PFKP: variants seen among roughly 807,000 people sequenced by gnomAD.
The protein encoded by PFKP is phosphofructokinase, platelet.
Under a neutral mutation model 94.3 loss-of-function variants are expected in PFKP, and 101 were observed. The observed-to-expected ratio is 1.07, with a 90% confidence interval of 0.91 to 1.26. The LOEUF (loss-of-function observed/expected upper bound fraction) is 1.26. Among genes scored for constraint, PFKP ranks in the 50% most tolerant of loss-of-function variants. PFKP has a pLI of 0.00. For missense variants in PFKP, 1,145 were observed against 1,103.3 expected, an observed-to-expected ratio of 1.04 and a Z score of -0.53; for synonymous variants, 573 against 432.6, an observed-to-expected ratio of 1.32 and a Z score of -4.03.
chr10:3,105,227 GCTGCACCCCACATC>G, intron 6 of PFKP, 68 bp downstream of exon 6: 1 of 1,466,534 alleles, frequency 6.8e-7, no homozygotes, highest in Non-Finnish European at 9.6e-7. Flanking sequence ...TCTCCCTGAG[GCTGCACCCCACATC>G]CTGAATGCTC....
intron 1 of PFKP, among the ~76,000 whole-genome samples, chr10:3,077,575 C>CTT (rs144293480): frequency 2.7e-5 from 4 of 148,606 alleles, no homozygotes; most frequent in African/African-American, 9.8e-5. Flanking sequence ...CTATTCCTTA[C>CTT]TTTTTAAAAA....
At chr10:3,091,514 A>G (rs1284794354) in intron 2 of PFKP, among the ~76,000 whole-genome samples, 3 of 152,158 alleles carry the variant, frequency 2.0e-5, no homozygotes, top group Non-Finnish European at 2.9e-5. Flanking sequence ...CTCTTCAAAT[A>G]TGACTCACTT....
chr10:3,086,952 A>G (rs899911125), intron 2 of PFKP, among the ~76,000 whole-genome samples: 1 of 152,134 alleles, frequency 6.6e-6, no homozygotes, highest in African/African-American at 2.4e-5. Flanking sequence ...GGCCTACCCC[A>G]GAGGCCCTGG....
chr10:3,120,692 C>A (rs1376444426), intron 16 of PFKP, among the ~76,000 whole-genome samples: 5 of 152,102 alleles, frequency 3.3e-5, no homozygotes, highest in Admixed American at 6.5e-5. Context: ...CGGGGTCTTA[C>A]TCTGTCACCC....
At chr10:3,108,625 C>A in intron 8 of PFKP, 76 bp from the exon 9 acceptor site, 1 of 1,074,216 alleles carries the variant, frequency 9.3e-7, no homozygotes, top group Non-Finnish European at 1.4e-6. Context: ...TTTTCCAGTG[C>A]CCAGTACCTC....
At chr10:3,069,093 A>T in intron 1 of PFKP, 1 of 309,400 alleles carries the variant, frequency 3.2e-6, no homozygotes, top group Non-Finnish European at 5.1e-6. Context: ...CGGCCCCGAC[A>T]CCCGTGCGCC....
At chr10:3,091,679 G>A (rs1413921774) in intron 2 of PFKP, among the ~76,000 whole-genome samples, 2 of 152,120 alleles carry the variant, frequency 1.3e-5, no homozygotes, top group Non-Finnish European at 2.9e-5. Context: ...GCTGGGCGTG[G>A]TGTAATCCTT....
chr10:3,096,821 G>A (rs1359421311), intron 2 of PFKP, among the ~76,000 whole-genome samples: 3 of 147,826 alleles, frequency 2.0e-5, no homozygotes, highest in Non-Finnish European at 3.0e-5. Flanking sequence ...GCTCATGCCT[G>A]TAATCCCAGC....
intron 1 of PFKP, chr10:3,069,240 T>C (rs1369150073): frequency 4.2e-6 from 6 of 1,422,996 alleles, no homozygotes; most frequent in African/African-American, 1.4e-5. Flanking sequence ...AGCATTCCAG[T>C]AAAAGGACCC....
rs568926311 is a variant in PFKP at position 3,104,376 on chromosome 10, C to A, written c.620+432C>A. Among the ~76,000 whole-genome samples the A allele has an allele frequency of 5.9e-5, 9 of 152,322 alleles. No homozygotes were observed. The South Asian group carries it at 1.0e-3, about 18-fold the overall frequency. On this transcript the variant is annotated intron_variant, in intron 5 of 21. Transcript: ENST00000381125. ...TTGATCCGAGGTGCTCTAGGCTCAG[C>A]AGGTTATCACTAAAGACTGTGGGGC...
chr10:3,070,926 T>TTATTATTA (rs767737023), intron 1 of PFKP, among the ~76,000 whole-genome samples: 33 of 148,376 alleles, frequency 2.2e-4, no homozygotes, highest in South Asian at 8.5e-4. Context: ...TATTATTATT[T>TTATTATTA]TTGTAGAGAC....
At chr10:3,077,261 C>CTTTTTTTTTTTTTTTTTTTTTTTTTTT (rs34485324) in intron 1 of PFKP, among the ~76,000 whole-genome samples, 4 of 84,238 alleles carry the variant, frequency 4.7e-5, no homozygotes, top group Non-Finnish European at 6.3e-5. Flanking sequence ...TTTTTTTTTT[C>CTTTTTTTTTTTTTTTTTTTTTTTTTTT]TTTTTTTTTT....
At chr10:3,116,707 ATTT>A in intron 13 of PFKP, 66 bp from the exon 14 acceptor site, 1 of 1,189,962 alleles carries the variant, frequency 8.4e-7, no homozygotes, top group Non-Finnish European at 1.3e-6. Context: ...ACAGAAAGCT[ATTT>A]TTAGCACTTT....
intron 1 of PFKP, among the ~76,000 whole-genome samples, chr10:3,071,906 A>G (rs1832224352): frequency 6.6e-6 from 1 of 152,218 alleles, no homozygotes; most frequent in South Asian, 2.1e-4. Context: ...ACACATGAGC[A>G]AGGGGCGCCT....
intron 16 of PFKP, chr10:3,129,592 G>A (rs751066287): frequency 1.5e-4 from 80 of 524,398 alleles, no homozygotes; most frequent in Middle Eastern, 5.1e-4. Context: ...ACGGGACATC[G>A]AGGTCACCTC....
intron 2 of PFKP, 37 bp downstream of exon 2, chr10:3,082,498 C>T: frequency 1.3e-6 from 2 of 1,504,892 alleles, no homozygotes; most frequent in Non-Finnish European, 9.2e-7. Context: ...CGCCCTTCTT[C>T]CACCTGCCCA....
Position 3,097,078 on chromosome 10 carries a change from A to AAAAAAC in PFKP, c.187-2192_187-2191insCAAAAA, listed in dbSNP as rs1264771422. ...GGGTGACACAGCGAGACTCCGTCTC[A>AAAAAAC]AAAAAACAAAAAACAAAAAAACCTG... On this transcript the variant is annotated intron_variant, in intron 2 of 21. Transcript: ENST00000381125. Among the ~76,000 whole-genome samples the AAAAAAC allele has an allele frequency of 2.4e-3, 16 of 6,650 alleles. 2 individuals carry two copies. The highest frequency in any genetic ancestry group is 5.9e-3 in the Non-Finnish European group (12 of 2,044). 4.4% of individuals were successfully genotyped at this position (6,650 alleles called of 152,430 possible).
At chr10:3,107,531 G>T (rs2131577973) in intron 8 of PFKP, among the ~76,000 whole-genome samples, 1 of 152,372 alleles carries the variant, frequency 6.6e-6, no homozygotes, top group Non-Finnish European at 1.5e-5. Context: ...AGCCCGTAGA[G>T]GTTCCGGGAC....
chr10:3,134,516 G>A lies in PFKP; in HGVS notation c.2056G>A (p.Gly686Arg). The change falls in exon 20 of 22, where the codon GGA becomes AGA. Residue 686 changes from glycine to arginine, a missense_variant. Gly to Arg is a moderately radical substitution (Grantham distance 125). This residue lies in a region of PFKP where 1,119 missense variants were observed against 1,062.8 expected (regional missense o/e 1.05). Coordinates refer to ENST00000381125, the MANE Select transcript of PFKP (RefSeq NM_002627.5). ...ACCCTCTCCATTTGATAGAAACTTT[G>A]GAACCAAAATCTCTGCCAGAGCTAT... ...GAPSPFDRNFGTKISARAMEW... is the reference protein window; with the variant it reads ...GAPSPFDRNFRTKISARAMEW... The A allele has an allele frequency of 1.2e-6, 2 of 1,613,938 alleles. No homozygotes were observed. The highest frequency in any genetic ancestry group is 1.7e-4 in the Middle Eastern group (1 of 6,060).
Sources: gnomAD v4.1 joint callset for allele counts (sites outside exome capture counted in the v4.1 genomes callset) on GRCh38, gnomAD v4.1.1 for gene constraint, gnomAD v4.1.1 regional missense constraint, MANE v1.5 for transcripts, NCBI Gene and HGNC (gene_info 2026-07-23, HGNC 2026-07-21) for gene names.